The following P4HB variants were observed in gnomAD, a reference collection of about 807,000 sequenced individuals.
P4HB encodes prolyl 4-hydroxylase subunit beta, also known as protein disulfide-isomerase.
Under a neutral mutation model 52.6 loss-of-function variants are expected in P4HB, and 20 were observed. That is an observed-to-expected ratio of 0.38 (90% CI 0.27 to 0.55). The LOEUF (loss-of-function observed/expected upper bound fraction) is 0.55, where lower values mean the gene tolerates loss of function less well. Among genes scored for constraint, P4HB ranks in the 20% least tolerant of loss-of-function variants. The pLI is 0.74. For synonymous variants in P4HB, 296 were observed against 277.9 expected, an observed-to-expected ratio of 1.07 and a Z score of -0.65; for missense variants, 601 against 669.2, an observed-to-expected ratio of 0.90 and a Z score of 1.12.
intron 10 of P4HB, among the ~76,000 whole-genome samples, 192 bp from the exon 11 acceptor site, chr17:81,844,284 G>A (rs2038699207): frequency 6.6e-6 from 1 of 152,212 alleles, no homozygotes; most frequent in South Asian, 2.1e-4. Context: ...ACGCCTGGGG[G>A]ATTTCTGCCT....
chr17:81,855,456 G>T lies in P4HB; in HGVS notation c.483C>A (p.Phe161Leu), dbSNP rs2038899000. The T allele has an allele frequency of 1.9e-6, 3 of 1,611,736 alleles. No homozygotes were observed. The African/African-American group carries it at 4.0e-5, about 21-fold the overall frequency. ...ESSEVAVIGF[F>L]KDVESDSAKQ... Reference sequence around the variant, plus strand: ...ACTGGAATGCTCTGGTCTCTACCTTGAAGAAGCCGATGACAGCCACCTCGC... The same window carrying T: ...ACTGGAATGCTCTGGTCTCTACCTTTAAGAAGCCGATGACAGCCACCTCGC... The change falls in exon 3 of 11, where the codon TTC (phenylalanine) becomes TTA (leucine). Residue 161 changes from phenylalanine to leucine, a missense_variant. Transcript: ENST00000331483. The surrounding 1 kb of genome is among the most constrained non-coding windows in gnomAD (Gnocchi z 4.3).
intron 4 of P4HB, among the ~76,000 whole-genome samples, chr17:81,851,440 G>A (rs575962573): frequency 8.5e-5 from 13 of 152,344 alleles, no homozygotes; most frequent in East Asian, 3.9e-4. Context: ...GCCCGAACCC[G>A]AGGGGCAGAG....
intron 4 of P4HB, among the ~76,000 whole-genome samples, chr17:81,851,310 GA>G (rs886840667): frequency 2.0e-5 from 3 of 152,232 alleles, no homozygotes; most frequent in Non-Finnish European, 2.9e-5. Flanking sequence ...TGCGTCTGCA[GA>G]GTAACTTAGA....
chr17:81,847,016 G>A lies in P4HB; in HGVS notation c.786C>T (p.Pro262=), dbSNP rs199766749. ...EIKTHILLFL[P]KSVSDYDGKL... ...TGCCGTCATAGTCAGACACACTCTT[G>A]GGCAAGAACAGCAGGATGTGAGTCT... is the stretch of plus-strand genomic sequence containing the variant. The change falls in exon 6 of 11, where the codon CCC becomes CCT. Residue 262 remains proline (P), a synonymous_variant. Coordinates refer to ENST00000331483, the MANE Select transcript of P4HB (RefSeq NM_000918.4). 1.2e-6 allele frequency: 2 copies of A among 1,613,940 alleles called. No individual in the cohort carries two copies. The highest frequency in any genetic ancestry group is 1.1e-5 in the South Asian group (1 of 91,084).
Position 81,843,323 on chromosome 17 carries a change from G to A in P4HB, c.*689C>T. The A allele has an allele frequency of 2.5e-6, 1 of 395,984 alleles. No homozygotes were observed. Among genetic ancestry groups the A allele is most frequent in the Non-Finnish European group, 4.4e-6 (1 of 224,958 alleles). The allele number at this position is 395,984 out of a possible 1,614,324, so 24.5% of individuals were successfully genotyped here. On this transcript the variant is annotated 3_prime_UTR_variant, in exon 11 of 11. Transcript: ENST00000331483. ...CTGCCTTGAACAGGCCACAGGCCGT[G>A]CTGTAGAGAGGCCAGTGGTCACAAT...
intron 2 of P4HB, among the ~76,000 whole-genome samples, chr17:81,858,662 G>A (rs1004595608): frequency 5.3e-5 from 8 of 152,162 alleles, no homozygotes; most frequent in Non-Finnish European, 1.2e-4. Flanking sequence ...GCTTGGATTC[G>A]AGGTCTGCTA....
In P4HB at chr17:81,843,859, G is replaced by A. The variant is rs201910369; in HGVS notation, c.*153C>T. 6.3e-5 allele frequency: 42 copies of A among 669,856 alleles called. No individual in the cohort carries two copies. In the East Asian group the frequency reaches 8.5e-4, roughly 14 times the overall value. The allele number at this position is 669,856 out of a possible 1,614,324, so 41.5% of individuals were successfully genotyped here. A position where few individuals can be genotyped will look rare whatever the true frequency, so the allele number is the denominator to read the frequency against. On this transcript the variant is annotated 3_prime_UTR_variant, in exon 11 of 11. Transcript: ENST00000331483. ...AAGGAAGAGACGGGGGTGAACGGAC[G>A]GTGTGTAGGGGTGAGGTGTCACTTC...
At chr17:81,848,736 CAAAAAAAAA>C (rs770133887) in intron 4 of P4HB, among the ~76,000 whole-genome samples, 1 of 24,480 alleles carries the variant, frequency 4.1e-5, no homozygotes, top group African/African-American at 1.5e-4. Context: ...AACTCTGTCT[CAAAAAAAAA>C]AAAAAAAAAA....
At chr17:81,845,374 C>T in intron 9 of P4HB, 144 bp from the exon 10 acceptor site, 1 of 862,890 alleles carries the variant, frequency 1.2e-6, no homozygotes, top group African/African-American at 1.7e-5. Flanking sequence ...AGTTCAAAAA[C>T]AGCCTAGGCA....
rs1476711737 is a variant in P4HB at position 81,846,315 on chromosome 17, C to G, written c.1056+114G>C. 2.0e-6 allele frequency: 2 copies of G among 1,004,130 alleles called. No homozygotes were observed. Among genetic ancestry groups the G allele is most frequent in the East Asian group, 2.4e-5 (1 of 42,090 alleles). 62.2% of individuals were successfully genotyped at this position (1,004,130 alleles called of 1,614,324 possible). A position where few individuals can be genotyped will look rare whatever the true frequency, so the allele number is the denominator to read the frequency against. On this transcript the variant is annotated intron_variant, in intron 7 of 10. Transcript: ENST00000331483. This position sits in a 1 kb window ranked among gnomAD's most constrained non-coding sequence, Gnocchi z 5.7. ...TCTTCACACCATCTTGGGCTCCGTC[C>G]TCTTACTCTGAAGATCTTACTTTGA...
intron 4 of P4HB, among the ~76,000 whole-genome samples, chr17:81,853,702 C>T (rs2038868853): frequency 6.6e-6 from 1 of 152,160 alleles, no homozygotes; most frequent in Non-Finnish European, 1.5e-5. Context: ...AGGTTCTTCT[C>T]CCCTCTGGAA....
chr17:81,855,339 G>A lies in P4HB; in HGVS notation c.487-60C>T. The A allele has an allele frequency of 6.2e-7, 1 of 1,609,260 alleles. No homozygotes were observed. Among genetic ancestry groups the A allele is most frequent in the East Asian group, 2.2e-5 (1 of 44,812 alleles). On this transcript the variant is annotated intron_variant, in intron 3 of 10. Coordinates refer to ENST00000331483, the MANE Select transcript of P4HB (RefSeq NM_000918.4). This position sits in a 1 kb window ranked among gnomAD's most constrained non-coding sequence, Gnocchi z 4.3. Reference sequence around the variant, plus strand: ...TCCCGCAGCACCAAGCAGTAGGGCAGACCCTGTAGAGCCCAGGCCAGGGGG... The same window carrying A: ...TCCCGCAGCACCAAGCAGTAGGGCAAACCCTGTAGAGCCCAGGCCAGGGGG...
intron 4 of P4HB, among the ~76,000 whole-genome samples, chr17:81,851,987 A>C (rs2143340604): frequency 6.6e-6 from 1 of 152,340 alleles, no homozygotes; most frequent in South Asian, 2.1e-4. Context: ...GTTCGAGACC[A>C]GCCTGGGCAA....
chr17:81,859,484 C>A (rs1004255855), intron 1 of P4HB, 97 bp from the exon 2 acceptor site: 13 of 1,082,240 alleles, frequency 1.2e-5, no homozygotes, highest in Non-Finnish European at 1.8e-5. Context: ...CATTTCCCTT[C>A]ATAAAAACCT....
In P4HB at chr17:81,843,948, T is replaced by C. The variant is rs199642683; in HGVS notation, c.*64A>G. The C allele has an allele frequency of 3.3e-6, 4 of 1,206,038 alleles. No individual in the cohort carries two copies. The highest frequency in any genetic ancestry group is 4.9e-6 in the Non-Finnish European group (4 of 809,354). The allele number at this position is 1,206,038 out of a possible 1,614,324, so 74.7% of individuals were successfully genotyped here. A position where few individuals can be genotyped will look rare whatever the true frequency, so the allele number is the denominator to read the frequency against. ...AGCGAGGCCGCAGGCTTCGGAGGCG[T>C]GCGCTGCTGCTGGGTGTGCAGCCCC... On this transcript the variant is annotated 3_prime_UTR_variant, in exon 11 of 11. Coordinates refer to ENST00000331483, the MANE Select transcript of P4HB (RefSeq NM_000918.4).
At position 81,860,507 on chromosome 17, in the gene P4HB, G is replaced by A. The variant is rs754378945; in HGVS notation, c.-36C>T. On this transcript the variant is annotated 5_prime_UTR_variant, in exon 1 of 11. Transcript: ENST00000331483. Reference sequence around the variant, plus strand: ...GATCAGGCGGGGCGCTTCGGTTGGCGCCGCCGGGACAGCGGGGGCGACGAG... The same window carrying A: ...GATCAGGCGGGGCGCTTCGGTTGGCACCGCCGGGACAGCGGGGGCGACGAG... 8.9e-6 allele frequency: 11 copies of A among 1,241,298 alleles called. No individual in the cohort carries two copies. The highest frequency in any genetic ancestry group is 3.4e-5 in the South Asian group (1 of 29,146). The allele number at this position is 1,241,298 out of a possible 1,614,324, so 76.9% of individuals were successfully genotyped here. A position where few individuals can be genotyped will look rare whatever the true frequency, so the allele number is the denominator to read the frequency against.
At chr17:81,848,471 C>G (rs1372999943) in intron 4 of P4HB, among the ~76,000 whole-genome samples, 1 of 152,178 alleles carries the variant, frequency 6.6e-6, no homozygotes, top group Non-Finnish European at 1.5e-5. Context: ...TACAGTGGCT[C>G]AGGCCTGTAA....
At chr17:81,852,024 G>A (rs1283054609) in intron 4 of P4HB, among the ~76,000 whole-genome samples, 3 of 152,158 alleles carry the variant, frequency 2.0e-5, no homozygotes, top group Non-Finnish European at 4.4e-5. Flanking sequence ...TTCCACAGAA[G>A]TATTAAAAAA....
chr17:81,854,133 C>T (rs2143348395), intron 4 of P4HB, among the ~76,000 whole-genome samples: 2 of 152,382 alleles, frequency 1.3e-5, no homozygotes, highest in South Asian at 4.1e-4. Flanking sequence ...GTGTGGGTGC[C>T]ACCTGGGTGG....
Sources: gnomAD v4.1 joint callset for allele counts (sites outside exome capture counted in the v4.1 genomes callset) on GRCh38, gnomAD v4.1.1 for gene constraint, Gnocchi (gnomAD v3.1) non-coding constraint, MANE v1.5 for transcripts, NCBI Gene and HGNC (gene_info 2026-07-23, HGNC 2026-07-21) for gene names.